The following NDST4 variants were observed in gnomAD, a reference collection of about 807,000 sequenced individuals.
NDST4 encodes the protein N-deacetylase and N-sulfotransferase 4, also known as N-heparan sulfate sulfotransferase 4.
NDST4 carries 63 observed loss-of-function variants against 100.8 expected under a neutral mutation model. That is an observed-to-expected ratio of 0.62 (90% CI 0.51 to 0.77). The LOEUF (loss-of-function observed/expected upper bound fraction) is 0.77. Ranked by LOEUF, NDST4 falls within the 30% of genes least tolerant of loss-of-function variation. The probability of loss-of-function intolerance (pLI) is 0.00; values close to 1 mark genes in which losing one functional copy is unlikely to be tolerated. For synonymous variants in NDST4, 377 were observed against 361.8 expected (o/e 1.04, Z -0.48); for missense variants, 943 against 1,018.4 (o/e 0.93, Z 1.01).
chr4:114,867,668 A>AAAAAAAAAAAAAAAAAAAAAAAAAAC, intron 7 of NDST4, among the ~76,000 whole-genome samples: 1 of 116,072 alleles, frequency 8.6e-6, no homozygotes, highest in African/African-American at 3.7e-5. Context: ...AAAAAAGCAA[A>AAAAAAAAAAAAAAAAAAAAAAAAAAC]AAAAAAAAAA....
At chr4:115,091,057 T>G (rs1360926184) in intron 1 of NDST4, among the ~76,000 whole-genome samples, 1 of 152,102 alleles carries the variant, frequency 6.6e-6, no homozygotes, top group African/African-American at 2.4e-5. Context: ...CTGTTTAATA[T>G]TCTGCTAATT....
intron 12 of NDST4, among the ~76,000 whole-genome samples, chr4:114,833,379 A>C (rs1201814376): frequency 6.6e-6 from 1 of 152,134 alleles, no homozygotes; most frequent in Non-Finnish European, 1.5e-5. Flanking sequence ...GAAAACTCAC[A>C]AAAAGAAGAA....
intron 3 of NDST4, among the ~76,000 whole-genome samples, chr4:114,974,391 A>G (rs1283680956): frequency 6.6e-6 from 1 of 152,110 alleles, no homozygotes; most frequent in Non-Finnish European, 1.5e-5. Context: ...ATAATCTCTC[A>G]TGGAAAAGAC....
At chr4:115,022,809 T>C (rs1268596822) in intron 2 of NDST4, among the ~76,000 whole-genome samples, 2 of 152,050 alleles carry the variant, frequency 1.3e-5, no homozygotes. Context: ...GCTTTAAAAA[T>C]AGGAATTTCC....
rs140358482 is a variant in NDST4, at chr4:114,959,505, C to T, written c.1221+10925G>A. Among the ~76,000 whole-genome samples the T allele has an allele frequency of 1.1e-4, 16 of 152,194 alleles. No homozygotes were observed. The East Asian group carries it at 3.1e-3, about 29-fold the overall frequency. ...TCTTACATGGTGGCAGGCAATAGGG[C>T]ATATGAGACTTATTCACTGTCTGGA... On this transcript the variant is annotated intron_variant, in intron 4 of 13. Coordinates refer to ENST00000264363, the MANE Select transcript of NDST4 (RefSeq NM_022569.3).
chr4:114,942,467 G>A (rs1335630423), intron 4 of NDST4, among the ~76,000 whole-genome samples: 1 of 152,074 alleles, frequency 6.6e-6, no homozygotes, highest in Non-Finnish European at 1.5e-5. Context: ...AACATCTATA[G>A]AGGCTGAAAT....
At chr4:114,921,034 A>T (rs556712224) in intron 6 of NDST4, among the ~76,000 whole-genome samples, 1 of 152,172 alleles carries the variant, frequency 6.6e-6, no homozygotes, top group Non-Finnish European at 1.5e-5. Flanking sequence ...TGTATTCCTT[A>T]TTCGAGCTAA....
Position 114,827,839 on chromosome 4 carries a change from G to T in NDST4, c.2596C>A (p.Gln866Lys). 6.2e-7 allele frequency: 1 copy of T among 1,611,124 alleles called. No individual in the cohort carries two copies. Among genetic ancestry groups the T allele is most frequent in the Non-Finnish European group, 8.5e-7 (1 of 1,178,902 alleles). The stretch of plus-strand genomic sequence containing the variant: ...TGCTATCTCACTTTCTGCAGTTCCT[G>T]TCTCAGCCACGATGGCAGAGGCTGT... ...LGQPLPSWLR[Q>K]ELQKVR is the part of the protein sequence containing the mutation. Residue 866 changes from glutamine (Q) to lysine (K), a missense_variant, in exon 14 of 14, where the codon CAG becomes AAG. Around this residue, in one of 2 missense-constraint regions of NDST4, gnomAD observed 526 missense variants for 634.1 expected, o/e 0.83. Transcript: ENST00000264363.
At chr4:115,007,131 A>G (rs751328856) in intron 2 of NDST4, among the ~76,000 whole-genome samples, 12 of 152,278 alleles carry the variant, frequency 7.9e-5, no homozygotes, top group Middle Eastern at 3.4e-3. Flanking sequence ...GTTAAATTAA[A>G]CTTGTTGAGC....
chr4:114,934,083 TC>T (rs1725572639), intron 6 of NDST4, among the ~76,000 whole-genome samples: 1 of 152,180 alleles, frequency 6.6e-6, no homozygotes, highest in South Asian at 2.1e-4. Context: ...AAACATGGAA[TC>T]AATCTATGTG....
intron 4 of NDST4, among the ~76,000 whole-genome samples, chr4:114,970,026 T>C (rs1039125112): frequency 5.9e-5 from 9 of 152,194 alleles, no homozygotes; most frequent in Admixed American, 2.0e-4. Flanking sequence ...TGAGATGGTA[T>C]CTCATTGTGG....
intron 2 of NDST4, among the ~76,000 whole-genome samples, chr4:115,067,127 G>A (rs996882901): frequency 6.6e-6 from 1 of 152,096 alleles, no homozygotes; most frequent in African/African-American, 2.4e-5. Context: ...TGCATGCTGG[G>A]TCACCCACCT....
chr4:114,870,297 A>C (rs1251829407), intron 7 of NDST4, among the ~76,000 whole-genome samples: 2 of 152,158 alleles, frequency 1.3e-5, no homozygotes, highest in Non-Finnish European at 2.9e-5. Context: ...TTGAGAGGTT[A>C]ACTCTATATG....
chr4:114,942,520 A>C (rs1725772030), intron 4 of NDST4, among the ~76,000 whole-genome samples: 1 of 152,170 alleles, frequency 6.6e-6, no homozygotes, highest in Non-Finnish European at 1.5e-5. Flanking sequence ...TGAAATTAAA[A>C]TAAGAAATTT....
At chr4:114,863,390 T>TGTGTGCATGCGCAC (rs1723958354) in intron 7 of NDST4, among the ~76,000 whole-genome samples, 1 of 152,238 alleles carries the variant, frequency 6.6e-6, no homozygotes, top group Non-Finnish European at 1.5e-5. Flanking sequence ...ATTATGTGCG[T>TGTGTGCATGCGCAC]GTGTGCATGC....
intron 7 of NDST4, among the ~76,000 whole-genome samples, chr4:114,853,303 A>G (rs571691571): frequency 6.6e-6 from 1 of 152,098 alleles, no homozygotes; most frequent in Non-Finnish European, 1.5e-5. Flanking sequence ...GCCACATCTT[A>G]TAAGCTGATA....
At chr4:115,088,012 A>G (rs1729441961) in intron 1 of NDST4, among the ~76,000 whole-genome samples, 1 of 151,974 alleles carries the variant, frequency 6.6e-6, no homozygotes, top group Non-Finnish European at 1.5e-5. Context: ...CACTTAGATT[A>G]TGATAGTTAT....
chr4:115,011,793 A>G (rs1727552773), intron 2 of NDST4, among the ~76,000 whole-genome samples: 1 of 151,990 alleles, frequency 6.6e-6, no homozygotes, highest in Non-Finnish European at 1.5e-5. Context: ...AAGCCAAATA[A>G]CAGGAACAGA....
chr4:114,911,878 A>G (rs1477845688), intron 6 of NDST4, among the ~76,000 whole-genome samples: 2 of 152,184 alleles, frequency 1.3e-5, no homozygotes, highest in Admixed American at 6.5e-5. Flanking sequence ...ATCTAATGCT[A>G]TCATTTACCT....
Sources: gnomAD v4.1 joint callset for allele counts (sites outside exome capture counted in the v4.1 genomes callset) on GRCh38, gnomAD v4.1.1 for gene constraint, gnomAD v4.1.1 regional missense constraint, MANE v1.5 for transcripts, NCBI Gene and HGNC (gene_info 2026-07-23, HGNC 2026-07-21) for gene names.